Variants in UBE2G2 observed in about 807,000 individuals in gnomAD.
The protein encoded by UBE2G2 is ubiquitin conjugating enzyme E2 G2, also known as ubiquitin-conjugating enzyme E2 G2.
In UBE2G2, 10 loss-of-function variants were observed where a neutral mutation model predicts 23.0. That is an observed-to-expected ratio of 0.43 (90% CI 0.27 to 0.74). The LOEUF (loss-of-function observed/expected upper bound fraction) is 0.74, where lower values mean the gene tolerates loss of function less well. Among genes scored for constraint, UBE2G2 ranks in the 30% least tolerant of loss-of-function variants. The pLI is 0.19. For synonymous variants in UBE2G2, 86 were observed against 81.3 expected, an observed-to-expected ratio of 1.06 and a Z score of -0.31; for missense variants, 150 against 218.3, an observed-to-expected ratio of 0.69 and a Z score of 1.97.
intron 1 of UBE2G2, among the ~76,000 whole-genome samples, chr21:44,791,289 G>A (rs1244289056): frequency 6.6e-6 from 1 of 152,154 alleles, no homozygotes; most frequent in African/African-American, 2.4e-5. Flanking sequence ...TGGGGTAAAT[G>A]TCTCCAGAGC....
chr21:44,797,646 C>T (rs1367747072), intron 1 of UBE2G2, among the ~76,000 whole-genome samples: 1 of 126,774 alleles, frequency 7.9e-6, no homozygotes, highest in Non-Finnish European at 1.6e-5. Flanking sequence ...ACCCGGGAGG[C>T]GGAGCCTGCA....
chr21:44,793,496 T>C (rs1379692843), intron 1 of UBE2G2, among the ~76,000 whole-genome samples: 1 of 152,238 alleles, frequency 6.6e-6, no homozygotes, highest in Non-Finnish European at 1.5e-5. Flanking sequence ...TATTCAACAG[T>C]GGCCTCTACT....
At chr21:44,776,548 T>A (rs1249472625) in intron 4 of UBE2G2, among the ~76,000 whole-genome samples, 1 of 152,216 alleles carries the variant, frequency 6.6e-6, no homozygotes, top group Non-Finnish European at 1.5e-5. Flanking sequence ...TTCTAACATA[T>A]ATGATATAGT....
At chr21:44,794,540 T>G (rs1601197097) in intron 1 of UBE2G2, among the ~76,000 whole-genome samples, 1 of 150,348 alleles carries the variant, frequency 6.7e-6, no homozygotes, top group African/African-American at 2.4e-5. Context: ...TTTTTTTGTT[T>G]TTTTTTTTTT....
At chr21:44,780,442 AAAC>A (rs1188111808) in intron 3 of UBE2G2, among the ~76,000 whole-genome samples, 5 of 152,276 alleles carry the variant, frequency 3.3e-5, no homozygotes, top group Admixed American at 6.5e-5. Flanking sequence ...TCTTCAAAAG[AAAC>A]AACAACAAGG....
intron 1 of UBE2G2, among the ~76,000 whole-genome samples, chr21:44,790,127 C>T (rs559687652): frequency 1.3e-5 from 2 of 152,154 alleles, no homozygotes; most frequent in Non-Finnish European, 2.9e-5. Context: ...ATTAAAACCA[C>T]AATAAGATAC....
intron 1 of UBE2G2, among the ~76,000 whole-genome samples, chr21:44,791,242 T>C (rs1555962919): frequency 6.6e-6 from 1 of 152,098 alleles, no homozygotes; most frequent in Non-Finnish European, 1.5e-5. Context: ...GAAATTCAAA[T>C]AAGTAACAAG....
At chr21:44,792,427 A>G (rs2146402477) in intron 1 of UBE2G2, among the ~76,000 whole-genome samples, 1 of 152,316 alleles carries the variant, frequency 6.6e-6, no homozygotes, top group African/African-American at 2.4e-5. Context: ...AGTTTCCCTC[A>G]TGCTGTTCTC....
At chr21:44,796,396 T>G (rs1318935464) in intron 1 of UBE2G2, among the ~76,000 whole-genome samples, 2 of 152,290 alleles carry the variant, frequency 1.3e-5, no homozygotes, top group South Asian at 4.1e-4. Context: ...TGCATGAACA[T>G]CTAACCAAAT....
chr21:44,798,609 TAA>T (rs2083112052), intron 1 of UBE2G2, among the ~76,000 whole-genome samples: 1 of 152,266 alleles, frequency 6.6e-6, no homozygotes, highest in Non-Finnish European at 1.5e-5. Flanking sequence ...TGCTCATCTG[TAA>T]GACTCAACTC....
chr21:44,780,880 T>G (rs2082950929), intron 3 of UBE2G2, among the ~76,000 whole-genome samples: 1 of 152,346 alleles, frequency 6.6e-6, no homozygotes, highest in Non-Finnish European at 1.5e-5. Context: ...ATTGCCTTTC[T>G]AACACTTTTT....
At chr21:44,799,604 C>T (rs942835134) in intron 1 of UBE2G2, among the ~76,000 whole-genome samples, 2 of 152,226 alleles carry the variant, frequency 1.3e-5, no homozygotes, top group African/African-American at 4.8e-5. Flanking sequence ...GGACCTTGCT[C>T]TGGATTAGGC....
At chr21:44,793,854 T>G (rs1317907790) in intron 1 of UBE2G2, among the ~76,000 whole-genome samples, 2 of 152,222 alleles carry the variant, frequency 1.3e-5, no homozygotes, top group African/African-American at 4.8e-5. Context: ...ATTTCAGGAC[T>G]ATTTGTAAAA....
chr21:44,774,711 G>A (rs115583635), intron 4 of UBE2G2: 1 of 456,352 alleles, frequency 2.2e-6, no homozygotes, highest in South Asian at 1.6e-5. Context: ...GAAACTAGAT[G>A]CATACTTGCC....
At chr21:44,780,340 G>C (rs2082946484) in intron 3 of UBE2G2, among the ~76,000 whole-genome samples, 2 of 152,238 alleles carry the variant, frequency 1.3e-5, no homozygotes, top group African/African-American at 4.8e-5. Context: ...CCAGGAGTGG[G>C]AGACGCCACA....
intron 1 of UBE2G2, among the ~76,000 whole-genome samples, chr21:44,797,148 T>C (rs2083097128): frequency 6.6e-6 from 1 of 152,132 alleles, no homozygotes; most frequent in African/African-American, 2.4e-5. Flanking sequence ...CTTCTACACA[T>C]AGTCCAAAAT....
At chr21:44,777,247 T>G in intron 4 of UBE2G2, 52 bp downstream of exon 4, 2 of 1,457,576 alleles carry the variant, frequency 1.4e-6, no homozygotes, top group Admixed American at 1.7e-5. Context: ...GCTGATAATA[T>G]TATCTCCGTA....
chr21:44,788,271 T>C (rs2083013042), intron 1 of UBE2G2, among the ~76,000 whole-genome samples, 176 bp from the exon 2 acceptor site: 1 of 150,870 alleles, frequency 6.6e-6, no homozygotes, highest in Non-Finnish European at 1.5e-5. Context: ...TGATAACAAC[T>C]ACACAAAGTT....
intron 1 of UBE2G2, among the ~76,000 whole-genome samples, chr21:44,796,701 G>A (rs2083092682): frequency 2.0e-5 from 3 of 152,312 alleles, no homozygotes; most frequent in South Asian, 4.1e-4. Context: ...GTTTCCAAGC[G>A]TCAGAAGTCT....
Sources: gnomAD v4.1 joint callset for allele counts (sites outside exome capture counted in the v4.1 genomes callset) on GRCh38, gnomAD v4.1.1 for gene constraint, MANE v1.5 for transcripts, NCBI Gene and HGNC (gene_info 2026-07-23, HGNC 2026-07-21) for gene names.